FLT1: variants seen among roughly 807,000 people sequenced by gnomAD.
FLT1 encodes vascular endothelial growth factor receptor 1.
FLT1 carries 49 observed loss-of-function variants against 156.3 expected under a neutral mutation model. The ratio of observed to expected loss-of-function variants is 0.31; its 90% CI spans 0.25 to 0.40. FLT1 has a LOEUF of 0.40. FLT1 is among the 10% of genes least tolerant of loss of function. FLT1 has a pLI of 1.00. For synonymous variants in FLT1, 594 were observed against 583.8 expected (o/e 1.02, Z -0.25); for missense variants, 1,322 against 1,637.2 (o/e 0.81, Z 3.32).
chr13:28,353,572 CAAAAAA>C, intron 15 of FLT1, among the ~76,000 whole-genome samples: 1 of 123,478 alleles, frequency 8.1e-6, no homozygotes, highest in East Asian at 2.3e-4. Context: ...GACTGTGTCT[CAAAAAA>C]AAAAAAAAAA....
intron 16 of FLT1, among the ~76,000 whole-genome samples, chr13:28,340,948 G>C (rs1872311487): frequency 6.6e-6 from 1 of 152,148 alleles, no homozygotes; most frequent in Admixed American, 6.6e-5. Flanking sequence ...TCCTATAACA[G>C]GGTACTAGGT....
Position 28,372,571 on chromosome 13 carries a change from T to C in FLT1, c.2116+12314A>G, listed in dbSNP as rs541241040. On this transcript the variant is annotated intron_variant, in intron 14 of 29. Transcript: ENST00000282397. Reference sequence around the variant, plus strand: ...ATTCCTCGTTTAAATAAAATGTATATATATATATATATATATATATATATA... The same window carrying C: ...ATTCCTCGTTTAAATAAAATGTATACATATATATATATATATATATATATA... 5.2e-3 allele frequency among the ~76,000 whole-genome samples: 78 copies of C among 15,134 alleles called. 1 individual carries two copies. Among genetic ancestry groups the C allele is most frequent in the East Asian group, 0.026 (11 of 428 alleles). 9.9% of individuals were successfully genotyped at this position (15,134 alleles called of 152,430 possible).
chr13:28,320,252 G>A (rs544088988), intron 23 of FLT1, among the ~76,000 whole-genome samples: 1 of 152,300 alleles, frequency 6.6e-6, no homozygotes, highest in South Asian at 2.1e-4. Context: ...GGACTAACAT[G>A]AAGGTTGGTG....
chr13:28,360,839 G>A (rs574568793), intron 14 of FLT1, among the ~76,000 whole-genome samples: 2 of 152,210 alleles, frequency 1.3e-5, no homozygotes, highest in African/African-American at 2.4e-5. Context: ...AGGATTTTAA[G>A]TGTTCCCACC....
intron 27 of FLT1, among the ~76,000 whole-genome samples, chr13:28,310,912 G>T (rs1248279364): frequency 2.0e-5 from 3 of 152,102 alleles, no homozygotes; most frequent in Non-Finnish European, 2.9e-5. Context: ...AAGACACTTG[G>T]GTGGAATTAT....
At position 28,414,106 on chromosome 13, in the gene FLT1, G is replaced by A. The variant is rs181559534; in HGVS notation, c.1437-8212C>T. On this transcript the variant is annotated intron_variant, in intron 10 of 29. Coordinates refer to ENST00000282397, the MANE Select transcript of FLT1 (RefSeq NM_002019.4). ...TTAGTTACCAGAGCTGACACTCACT[G>A]TGGAAGAAGTGTGGTCAGGGAGTTT... Among the ~76,000 whole-genome samples, 222 of 152,344 alleles carry A rather than the reference G, an allele frequency of 1.5e-3. 1 individual carries two copies. The highest frequency in any genetic ancestry group is 2.4e-3 in the Non-Finnish European group (164 of 68,022).
rs746022316 is a variant in FLT1, at chr13:28,300,552, CACACAT to C, written c.*2609_*2614del. ...ACACACACACACACACACACACACACACACATACAGTTACACCACTGTCGGCCAAAG... is the reference window on the plus strand; with the variant it reads ...ACACACACACACACACACACACACACACAGTTACACCACTGTCGGCCAAAG... On this transcript the variant is annotated 3_prime_UTR_variant, in exon 30 of 30. Coordinates refer to ENST00000282397, the MANE Select transcript of FLT1 (RefSeq NM_002019.4). The C allele has an allele frequency of 4.0e-3, 832 of 207,182 alleles. 5 individuals are homozygous for C. The highest frequency in any genetic ancestry group is 0.017 in the African/African-American group (695 of 41,906). The allele number at this position is 207,182 out of a possible 1,614,324, so 12.8% of individuals were successfully genotyped here.
chr13:28,492,029 G>T (rs1284120299), intron 1 of FLT1, among the ~76,000 whole-genome samples: 1 of 152,122 alleles, frequency 6.6e-6, no homozygotes, highest in Non-Finnish European at 1.5e-5. Flanking sequence ...AAAACTGTAG[G>T]CTGCCAAAGC....
chr13:28,468,475 G>C (rs1158177928), intron 1 of FLT1, among the ~76,000 whole-genome samples: 2 of 152,196 alleles, frequency 1.3e-5, no homozygotes, highest in Non-Finnish European at 2.9e-5. Flanking sequence ...CTGTAAAAAA[G>C]AGATTGGACT....
chr13:28,412,350 C>CTTTCTTTTTCTTTCTTTCTTTT (rs71086853), intron 10 of FLT1, among the ~76,000 whole-genome samples: 2 of 93,708 alleles, frequency 2.1e-5, no homozygotes, highest in Non-Finnish European at 4.5e-5. Flanking sequence ...TTCTTTCTTT[C>CTTTCTTTTTCTTTCTTTCTTTT]TCTTTCTTTC....
chr13:28,454,284 G>A (rs1033335733), intron 3 of FLT1, among the ~76,000 whole-genome samples: 4 of 152,072 alleles, frequency 2.6e-5, no homozygotes, highest in Non-Finnish European at 5.9e-5. Flanking sequence ...GTCTCATGTA[G>A]TCTCCTAATA....
At chr13:28,352,973 T>C (rs2138867642) in intron 15 of FLT1, among the ~76,000 whole-genome samples, 1 of 152,280 alleles carries the variant, frequency 6.6e-6, no homozygotes, top group South Asian at 2.1e-4. Flanking sequence ...CCATATTGTT[T>C]TCAGTTTTTT....
chr13:28,386,050 T>A (rs1874343231), intron 13 of FLT1: 15 of 1,053,922 alleles, frequency 1.4e-5, no homozygotes, highest in Non-Finnish European at 1.7e-5. Flanking sequence ...AGTTTTGGCA[T>A]AACTGACACG....
At chr13:28,383,474 C>A (rs935323753) in intron 14 of FLT1, among the ~76,000 whole-genome samples, 6 of 151,882 alleles carry the variant, frequency 4.0e-5, no homozygotes, top group Admixed American at 6.6e-5. Context: ...CCATCCTGGC[C>A]AACATGATGA....
intron 20 of FLT1, among the ~76,000 whole-genome samples, chr13:28,325,377 G>A (rs995707575): frequency 6.6e-6 from 1 of 152,180 alleles, no homozygotes; most frequent in Non-Finnish European, 1.5e-5. Flanking sequence ...TGGAGGAGGA[G>A]TCAAGAGAGC....
chr13:28,428,196 A>G (rs1164281420), intron 8 of FLT1, among the ~76,000 whole-genome samples: 1 of 152,208 alleles, frequency 6.6e-6, no homozygotes, highest in Non-Finnish European at 1.5e-5. Context: ...ACTGGTGGCC[A>G]CTGTGACTTA....
intron 13 of FLT1, chr13:28,388,931 G>A: frequency 9.4e-7 from 1 of 1,064,570 alleles, no homozygotes; most frequent in Non-Finnish European, 1.1e-6. Flanking sequence ...GGTGCAGTCA[G>A]AGACAGCAAG....
intron 3 of FLT1, among the ~76,000 whole-genome samples, chr13:28,460,800 A>G (rs11618838): frequency 0.02 from 1,756 of 89,916 alleles, 56 homozygotes; most frequent in Admixed American, 0.11. Context: ...GACCCATTAC[A>G]CACACACACA....
At position 28,439,509 on chromosome 13, in the gene FLT1, A is replaced by G. The variant is rs1169463601; in HGVS notation, c.389-1164T>C. 1.3e-5 allele frequency among the ~76,000 whole-genome samples: 2 copies of G among 152,202 alleles called. No individual in the cohort carries two copies. The highest frequency in any genetic ancestry group is 1.3e-4 in the Admixed American group (2 of 15,280). ...GTGGCTACAGTGATCATTATGGTAG[A>G]ACTGTGTCCCCACCAAAACGATATG... On this transcript the variant is annotated intron_variant, in intron 3 of 29. Transcript: ENST00000282397. This position sits in a 1 kb window ranked among gnomAD's most constrained non-coding sequence, Gnocchi z 4.1.
Sources: allele counts gnomAD v4.1 joint callset (sites outside exome capture counted in the v4.1 genomes callset), GRCh38; gene constraint gnomAD v4.1.1; non-coding constraint Gnocchi (gnomAD v3.1); transcripts MANE v1.5; gene names NCBI Gene and HGNC (gene_info 2026-07-23, HGNC 2026-07-21).